The following MGAM variants were observed in gnomAD, a reference collection of about 807,000 sequenced individuals.
MGAM encodes alpha-1,4-glucosidase.
MGAM carries 253 observed loss-of-function variants against 358.8 expected under a neutral mutation model. That is an observed-to-expected ratio of 0.71 (90% CI 0.64 to 0.78). The LOEUF is 0.78. MGAM is among the 30% of genes least tolerant of loss of function. MGAM has a pLI of 0.00. For synonymous variants in MGAM, 1,105 were observed against 1,227.1 expected (o/e 0.90, Z 2.08); for missense variants, 3,080 against 3,432.6 (o/e 0.90, Z 2.57).
At chr7:142,014,070 G>A (rs782807532) in intron 3 of MGAM, among the ~76,000 whole-genome samples, 3 of 152,146 alleles carry the variant, frequency 2.0e-5, no homozygotes, top group Non-Finnish European at 4.4e-5. Context: ...TTAGCATCAC[G>A]TAGAGAGCTA....
upstream of MGAM, among the ~76,000 whole-genome samples, chr7:141,995,067 A>G (rs1410471992): frequency 6.6e-6 from 1 of 152,216 alleles, no homozygotes; most frequent in Admixed American, 6.5e-5. Context: ...GACATTGTTT[A>G]TGCCTATTCT....
In MGAM at chr7:142,082,516, GC is replaced by G; in HGVS notation, c.6214del (p.Leu2072Ter). ...SYGVHPYYMG[L>X]EEDGSAHGVL... ...ATGGTGTCCACCCCTACTACATGGG[GC>G]TAGAGGAGGATGGCAGTGCCCATGG... is the stretch of plus-strand genomic sequence containing the variant. On this transcript the variant is annotated frameshift_variant, in exon 52 of 71. Transcript: ENST00000475668. LOFTEE classifies it high-confidence loss of function. 6.5e-7 allele frequency: 1 copy of G among 1,535,626 alleles called. No homozygotes were observed.
At chr7:142,040,879 C>T in intron 21 of MGAM, 33 bp downstream of exon 21, 2 of 1,578,350 alleles carry the variant, frequency 1.3e-6, no homozygotes, top group Non-Finnish European at 1.7e-6. Flanking sequence ...TTTCAGAATT[C>T]ATGTCCTTGC....
In MGAM at chr7:142,082,198, C is replaced by G; in HGVS notation, c.6159C>G (p.Asp2053Glu). The stretch of plus-strand genomic sequence containing the variant: ...ACACTTGGGGGATGTTCTCCCGAGA[C>G]CAGCCCCCAGGGGTAAGGACAGAGC... ...EWHTWGMFSR[D>E]QPPGYKKNSY... The change falls in exon 51 of 71, where the codon GAC becomes GAG. Residue 2053 changes from aspartate to glutamate, a missense_variant. Asp to Glu is a conservative substitution (Grantham distance 45). This residue lies in a region of MGAM where 932 missense variants were observed against 1,198.2 expected (regional missense o/e 0.78). Transcript: ENST00000475668. 6.4e-7 allele frequency: 1 copy of G among 1,554,614 alleles called. No individual in the cohort carries two copies. The highest frequency in any genetic ancestry group is 8.8e-7 in the Non-Finnish European group (1 of 1,132,224).
At position 142,065,361 on chromosome 7, in the gene MGAM, G is replaced by A. The variant is rs374506553; in HGVS notation, c.4511G>A (p.Arg1504Gln). The change falls in exon 38 of 71, where the codon CGA (arginine) becomes CAA (glutamine). Residue 1504 changes from arginine to glutamine, a missense_variant. Around this residue, in one of 5 missense-constraint regions of MGAM, gnomAD observed 134 missense variants for 198.4 expected, o/e 0.68. Coordinates refer to ENST00000475668, the MANE Select transcript of MGAM (RefSeq NM_001365693.1). ...GCCGTGCAGGAGGTGACGGGACAGC[G>A]AGGGGTCGTCATCACCCGCTCCACA... ...YEAVQEVTGQ[R>Q]GVVITRSTFP... is the part of the protein sequence containing the mutation. 14 of 1,610,112 alleles carry A rather than the reference G, an allele frequency of 8.7e-6. No individual in the cohort carries two copies. Among genetic ancestry groups the A allele is most frequent in the East Asian group, 6.7e-5 (3 of 44,630 alleles).
chr7:142,031,410 T>C (rs1454478402), intron 12 of MGAM, among the ~76,000 whole-genome samples: 1 of 152,152 alleles, frequency 6.6e-6, no homozygotes. Flanking sequence ...CAAAGAAGTG[T>C]AGAGAGTTAA....
At chr7:142,045,565 T>TA (rs1312600886) in intron 21 of MGAM, among the ~76,000 whole-genome samples, 1 of 4,060 alleles carries the variant, frequency 2.5e-4, no homozygotes, top group Non-Finnish European at 7.6e-3. Context: ...TATATGAATA[T>TA]ATAATATATA....
Position 142,069,346 on chromosome 7 carries a change from A to T in MGAM, c.5061+643A>T, listed in dbSNP as rs1195035716. Among the ~76,000 whole-genome samples the T allele has an allele frequency of 2.1e-5, 3 of 145,930 alleles. 1 individual carries two copies. Among genetic ancestry groups the T allele is most frequent in the African/African-American group, 4.9e-5 (2 of 41,042 alleles). ...TATGATTCCCAAAGACTCAGCTGGG[A>T]AGCCAGGGTCTTCCCGGGCAGCTCT... On this transcript the variant is annotated intron_variant, in intron 43 of 70. Transcript: ENST00000475668.
At position 142,056,812 on chromosome 7, in the gene MGAM, A is replaced by T. The variant is rs1811593826; in HGVS notation, c.3581-18A>T. 1 of 1,612,368 alleles carries T rather than the reference A, an allele frequency of 6.2e-7. No homozygotes were observed. The highest frequency in any genetic ancestry group is 8.5e-7 in the Non-Finnish European group (1 of 1,179,396). ...ATGGAAGGTGTCCGTGAGGCTTGGC[A>T]TTTTTCTTTATTTTCAGATGTGACG... On this transcript the variant is annotated intron_variant, in intron 29 of 70. Coordinates refer to ENST00000475668, the MANE Select transcript of MGAM (RefSeq NM_001365693.1).
chr7:142,045,914 T>C (rs1350795583), intron 21 of MGAM, among the ~76,000 whole-genome samples: 1 of 27,224 alleles, frequency 3.7e-5, no homozygotes, highest in East Asian at 6.4e-4. Context: ...CAATATGTAA[T>C]ATATATATTA....
chr7:142,030,452 A>G lies in MGAM; in HGVS notation c.1312A>G (p.Asn438Asp). 6.2e-7 allele frequency: 1 copy of G among 1,613,704 alleles called. No homozygotes were observed. The highest frequency in any genetic ancestry group is 8.5e-7 in the Non-Finnish European group (1 of 1,179,744). The change falls in exon 11 of 71, where the codon AAC (asparagine) becomes GAC (aspartate). Residue 438 changes from asparagine (N) to aspartate (D), a missense_variant. Physicochemically the swap from Asn to Asp is conservative, Grantham distance 23. Transcript: ENST00000475668. Reference sequence around the variant, plus strand: ...TTTTAAAGGCTTCCCTGAATTTGTCAACGAGTTACACAATAATGGACAGAA... The same window carrying G: ...TTTTAAAGGCTTCCCTGAATTTGTCGACGAGTTACACAATAATGGACAGAA... The part of the protein sequence containing the change: ...VDFKGFPEFV[N>D]ELHNNGQKLV...
intron 15 of MGAM, 126 bp from the exon 16 acceptor site, chr7:142,034,544 G>T: frequency 2.0e-6 from 2 of 1,013,024 alleles, no homozygotes; most frequent in East Asian, 5.2e-5. Context: ...GACTCTAATT[G>T]TACCGAAAGA....
intron 1 of MGAM, among the ~76,000 whole-genome samples, chr7:142,005,050 A>G (rs1178966235): frequency 6.6e-6 from 1 of 152,086 alleles, no homozygotes; most frequent in Non-Finnish European, 1.5e-5. Flanking sequence ...GGAAAAATCT[A>G]CAGAACAAAT....
intron 44 of MGAM, among the ~76,000 whole-genome samples, chr7:142,072,893 G>T (rs1272739097): frequency 1.4e-5 from 2 of 146,266 alleles, no homozygotes; most frequent in Non-Finnish European, 3.1e-5. Context: ...GAGATTCTAG[G>T]TTTTGCTTAC....
chr7:142,092,197 C>A, intron 58 of MGAM, 150 bp downstream of exon 58: 3 of 1,159,698 alleles, frequency 2.6e-6, no homozygotes, highest in Non-Finnish European at 2.4e-6. Context: ...AGGAGAGGAA[C>A]AGCCCTGATA....
intron 1 of MGAM, among the ~76,000 whole-genome samples, chr7:142,003,096 A>G (rs1479945019): frequency 6.6e-6 from 1 of 152,134 alleles, no homozygotes; most frequent in Admixed American, 6.6e-5. Flanking sequence ...AAAACATCCC[A>G]TGTTCAAGGA....
Position 142,091,419 on chromosome 7 carries a change from T to G in MGAM, c.6811-494T>G, listed in dbSNP as rs141571733. Among the ~76,000 whole-genome samples, 160 of 146,362 alleles carry G rather than the reference T, an allele frequency of 1.1e-3. 4 individuals are homozygous for G. Among genetic ancestry groups the G allele is most frequent in the African/African-American group, 3.6e-3 (148 of 41,176 alleles). ...TGTAGTTGTCATGTGATTCTGAAAT[T>G]GTAGAAAACACTGAGGTGTACTGGT... On this transcript the variant is annotated intron_variant, in intron 57 of 70. Transcript: ENST00000475668.
At chr7:142,061,717 A>T (rs1812223644) in intron 34 of MGAM, among the ~76,000 whole-genome samples, 2 of 152,114 alleles carry the variant, frequency 1.3e-5, no homozygotes, top group Non-Finnish European at 2.9e-5. Context: ...CAAACAAAGG[A>T]CTGTAATGTT....
Position 142,052,952 on chromosome 7 carries a change from A to T in MGAM, c.3127A>T (p.Thr1043Ser), listed in dbSNP as rs766139452. 3 of 1,613,850 alleles carry T rather than the reference A, an allele frequency of 1.9e-6. No individual in the cohort carries two copies. Among genetic ancestry groups the T allele is most frequent in the East Asian group, 2.2e-5 (1 of 44,854 alleles). ...CGTGAACCCCCTTCGCCTGGATGTC[A>T]CTTACCATAAGAATGAAATGCTGCA... ...TPVNPLRLDVTYHKNEMLQFK... is the reference protein window; with the variant it reads ...TPVNPLRLDVSYHKNEMLQFK... Residue 1043 changes from threonine (T) to serine (S), a missense_variant, in exon 26 of 71, where the codon ACT becomes TCT. Transcript: ENST00000475668.
Sources: allele counts gnomAD v4.1 joint callset (sites outside exome capture counted in the v4.1 genomes callset), GRCh38; gene constraint gnomAD v4.1.1; regional missense constraint gnomAD v4.1.1; transcripts MANE v1.5; gene names NCBI Gene and HGNC (gene_info 2026-07-23, HGNC 2026-07-21).